Variants in LINGO2 observed in about 807,000 individuals in gnomAD.
LINGO2 encodes the protein leucine rich repeat and Ig domain containing 2, also known as leucine-rich repeat and immunoglobulin-like domain-containing nogo receptor-interacting protein 2.
Under a neutral mutation model 30.6 loss-of-function variants are expected in LINGO2, and 14 were observed. The ratio of observed to expected loss-of-function variants is 0.46; its 90% CI spans 0.30 to 0.72. The LOEUF is 0.72. LINGO2 is among the 30% of genes least tolerant of loss of function. LINGO2 has a pLI of 0.07. For missense variants in LINGO2, 729 were observed against 751.7 expected, an observed-to-expected ratio of 0.97 and a Z score of 0.35; for synonymous variants, 317 against 288.5, an observed-to-expected ratio of 1.10 and a Z score of -1.00.
At chr9:28,968,309 C>T in the LINGO2 span, among the ~76,000 whole-genome samples, 1 of 152,102 alleles carries the variant, frequency 6.6e-6, no homozygotes, top group African/African-American at 2.4e-5. Context: ...GCTATATCTC[C>T]TTTTACTTTG....
intron 5 of LINGO2, among the ~76,000 whole-genome samples, chr9:28,002,779 A>G (rs1046093190): frequency 3.9e-4 from 57 of 146,768 alleles, no homozygotes; most frequent in Non-Finnish European, 5.9e-4. Context: ...TGGAGATGGC[A>G]CATTCTCCCC....
intron 4 of LINGO2, among the ~76,000 whole-genome samples, chr9:28,183,778 G>A (rs1819443414): frequency 6.6e-6 from 1 of 152,184 alleles, no homozygotes; most frequent in African/African-American, 2.4e-5. Context: ...GTAGGCATGA[G>A]CTTGTGTAAA....
intron 4 of LINGO2, among the ~76,000 whole-genome samples, chr9:28,291,385 C>T (rs1206844235): frequency 1.3e-5 from 2 of 152,164 alleles, no homozygotes; most frequent in Non-Finnish European, 2.9e-5. Flanking sequence ...GCCCATCACT[C>T]ACAGCTAGGG....
At chr9:28,414,363 A>T (rs1426586985) in intron 2 of LINGO2, among the ~76,000 whole-genome samples, 1 of 152,118 alleles carries the variant, frequency 6.6e-6, no homozygotes, top group Non-Finnish European at 1.5e-5. Context: ...GTAAATATAT[A>T]AAATATATTT....
chr9:28,751,859 T>C, the LINGO2 span, among the ~76,000 whole-genome samples: 1 of 151,976 alleles, frequency 6.6e-6, no homozygotes, highest in Non-Finnish European at 1.5e-5. Flanking sequence ...GGGGAATCCA[T>C]ACACCCATGA....
chr9:28,052,316 C>CA (rs1824714719), intron 4 of LINGO2, among the ~76,000 whole-genome samples: 1 of 151,846 alleles, frequency 6.6e-6, no homozygotes, highest in African/African-American at 2.4e-5. Flanking sequence ...ACAGCAATTA[C>CA]AAGTAATGAC....
intron 1 of LINGO2, among the ~76,000 whole-genome samples, chr9:28,581,338 A>G (rs1354777314): frequency 1.3e-5 from 2 of 151,890 alleles, no homozygotes; most frequent in African/African-American, 4.8e-5. Context: ...GTAAAAATTT[A>G]TAGGAGAAAC....
chr9:28,093,337 G>A (rs1270593505), intron 4 of LINGO2, among the ~76,000 whole-genome samples: 1 of 152,056 alleles, frequency 6.6e-6, no homozygotes, highest in Non-Finnish European at 1.5e-5. Context: ...TCTCTGACAA[G>A]GAGCAAAGGT....
At chr9:28,713,484 T>C in the LINGO2 span, among the ~76,000 whole-genome samples, 11 of 152,140 alleles carry the variant, frequency 7.2e-5, no homozygotes, top group Admixed American at 7.2e-4. Context: ...GCAAAAATGA[T>C]AAGCACCTCT....
chr9:28,101,543 A>G (rs2060850), intron 4 of LINGO2, among the ~76,000 whole-genome samples: 32,810 of 152,150 alleles, frequency 0.22, 3,920 homozygotes, highest in East Asian at 0.26. Flanking sequence ...TTTCACTGAC[A>G]AAGATTAAAC....
At chr9:28,082,131 T>TG (rs1308853542) in intron 4 of LINGO2, among the ~76,000 whole-genome samples, 13 of 152,142 alleles carry the variant, frequency 8.5e-5, no homozygotes, top group African/African-American at 3.1e-4. Flanking sequence ...CAGAAGTAGG[T>TG]GGGGGTAGTC....
intron 3 of LINGO2, among the ~76,000 whole-genome samples, chr9:28,295,883 A>C (rs1038850430): frequency 6.6e-6 from 1 of 152,206 alleles, no homozygotes; most frequent in Non-Finnish European, 1.5e-5. Context: ...TCACCTTTCT[A>C]GGATAATGTG....
At chr9:28,433,820 T>A (rs1245753186) in intron 2 of LINGO2, among the ~76,000 whole-genome samples, 1 of 151,574 alleles carries the variant, frequency 6.6e-6, no homozygotes, top group Non-Finnish European at 1.5e-5. Flanking sequence ...AAAAGACACA[T>A]GCACATGCAT....
intron 1 of LINGO2, among the ~76,000 whole-genome samples, chr9:28,546,764 C>T (rs1379965545): frequency 6.6e-6 from 1 of 152,016 alleles, no homozygotes; most frequent in Admixed American, 6.6e-5. Flanking sequence ...TTCTGACACC[C>T]TTCTGAGACC....
the LINGO2 span, among the ~76,000 whole-genome samples, chr9:28,972,963 G>A: frequency 1.3e-5 from 2 of 152,036 alleles, no homozygotes; most frequent in African/African-American, 2.4e-5. Flanking sequence ...TGAGATTTGG[G>A]TGAATACACA....
At chr9:28,797,392 A>G in the LINGO2 span, among the ~76,000 whole-genome samples, 11 of 146,134 alleles carry the variant, frequency 7.5e-5, no homozygotes, top group Admixed American at 1.4e-4. Flanking sequence ...AGAGAGAGAG[A>G]GAGAAAGCCT....
intron 1 of LINGO2, among the ~76,000 whole-genome samples, chr9:28,615,693 C>T (rs1315172433): frequency 6.6e-6 from 1 of 152,002 alleles, no homozygotes; most frequent in Non-Finnish European, 1.5e-5. Flanking sequence ...GCATTTTGTC[C>T]ACTGGATTGG....
chr9:28,674,050 C>T (rs1829129352), upstream of LINGO2, among the ~76,000 whole-genome samples: 1 of 151,808 alleles, frequency 6.6e-6, no homozygotes, highest in Non-Finnish European at 1.5e-5. Context: ...GATCCAGTCT[C>T]ATAGTCTTCA....
chr9:28,027,070 CTGT>C lies in LINGO2; in HGVS notation c.-86-14668_-86-14666del, dbSNP rs571887554. 1.5e-4 allele frequency among the ~76,000 whole-genome samples: 23 copies of C among 152,306 alleles called. 1 individual carries two copies. In the South Asian group the frequency reaches 4.3e-3, roughly 29 times the overall value. ...TTCTCATTCACTTAACAAACTTGAC[CTGT>C]TGTTGTTGCATCATAATACATTACT... On this transcript the variant is annotated intron_variant, in intron 4 of 5. Transcript: ENST00000379992.
Sources: allele counts gnomAD v4.1 joint callset (sites outside exome capture counted in the v4.1 genomes callset), GRCh38; gene constraint gnomAD v4.1.1; transcripts MANE v1.5; gene names NCBI Gene and HGNC (gene_info 2026-07-23, HGNC 2026-07-21).